Variants in GATAD2A observed in about 807,000 individuals in gnomAD.
The protein encoded by GATAD2A is GATA zinc finger domain containing 2A.
GATAD2A carries 12 observed loss-of-function variants against 68.5 expected under a neutral mutation model. The ratio of observed to expected loss-of-function variants is 0.18; its 90% CI spans 0.11 to 0.28. GATAD2A has a LOEUF of 0.28. Ranked by LOEUF, GATAD2A falls within the 10% of genes least tolerant of loss-of-function variation. The pLI, the probability that GATAD2A is intolerant of heterozygous loss-of-function variation, is 1.00. For missense variants in GATAD2A, 755 were observed against 868.5 expected (o/e 0.87, Z 1.64); for synonymous variants, 410 against 375.3 (o/e 1.09, Z -1.07).
intron 2 of GATAD2A, among the ~76,000 whole-genome samples, chr19:19,483,233 C>CT (rs1318217621): frequency 6.6e-6 from 1 of 152,228 alleles, no homozygotes; most frequent in Non-Finnish European, 1.5e-5. Context: ...CACAGACTCT[C>CT]TCTCTTTTTC....
intron 1 of GATAD2A, among the ~76,000 whole-genome samples, chr19:19,415,852 G>A (rs960755298): frequency 2.6e-5 from 4 of 151,878 alleles, no homozygotes; most frequent in Non-Finnish European, 4.4e-5. Flanking sequence ...CCTTGACCTC[G>A]TGATCCACCC....
intron 2 of GATAD2A, among the ~76,000 whole-genome samples, chr19:19,482,349 A>G (rs1376087622): frequency 6.6e-6 from 1 of 152,198 alleles, no homozygotes; most frequent in Non-Finnish European, 1.5e-5. Flanking sequence ...GTTTGCAGTG[A>G]GCCAAGATCG....
chr19:19,505,464 C>G lies in GATAD2A; in HGVS notation c.1895C>G (p.Thr632Arg). Residue 632 changes from threonine to arginine, a missense_variant, in exon 12 of 12, where the codon ACG (threonine) becomes AGG (arginine). Physicochemically the swap from Thr to Arg is moderately conservative, Grantham distance 71. Transcript: ENST00000683918. ...CCCCGCTCCATCCCCCAGTCAGCCACGTGGAAATAGTGCGAGCCAGGCCCC... is the reference window on the plus strand; with the variant it reads ...CCCCGCTCCATCCCCCAGTCAGCCAGGTGGAAATAGTGCGAGCCAGGCCCC... Reference protein sequence around the residue: ...IPPRSIPQSATWK With the variant: ...IPPRSIPQSARWK The G allele has an allele frequency of 6.2e-7, 1 of 1,602,670 alleles. No homozygotes were observed. Among genetic ancestry groups the G allele is most frequent in the Non-Finnish European group, 8.5e-7 (1 of 1,174,482 alleles).
rs1274072427 is a variant in GATAD2A at position 19,506,158 on chromosome 19, A to G, written c.*684A>G. On this transcript the variant is annotated 3_prime_UTR_variant, in exon 12 of 12. Coordinates refer to ENST00000683918, the MANE Select transcript of GATAD2A (RefSeq NM_001384528.1). ...CCGTGACTGACTGACAGATGCAGGG[A>G]TGGCCGAGGCAGCCCTCGCTCCAGC... 2.5e-6 allele frequency: 1 copy of G among 398,572 alleles called. No homozygotes were observed. The highest frequency in any genetic ancestry group is 2.1e-5 in the African/African-American group (1 of 48,548). The allele number at this position is 398,572 out of a possible 1,614,324, so 24.7% of individuals were successfully genotyped here. A position where few individuals can be genotyped will look rare whatever the true frequency, so the allele number is the denominator to read the frequency against.
chr19:19,434,887 G>C (rs2965183), intron 1 of GATAD2A, among the ~76,000 whole-genome samples: 1 of 151,916 alleles, frequency 6.6e-6, no homozygotes, highest in Non-Finnish European at 1.5e-5. Context: ...AAGCCCTCTC[G>C]GTCTGGAGGG....
At chr19:19,501,942 C>G in intron 9 of GATAD2A, 27 bp from the exon 10 acceptor site, 1 of 1,601,990 alleles carries the variant, frequency 6.2e-7, no homozygotes, top group Non-Finnish European at 8.6e-7. Context: ...ACCGCACTGA[C>G]TTTGCTTTCA....
At position 19,405,729 on chromosome 19, in the gene GATAD2A, T is replaced by A. The variant is rs2050145498; in HGVS notation, c.-297T>A. The A allele has an allele frequency of 6.6e-6, 1 of 150,492 alleles. No individual in the cohort carries two copies. The highest frequency in any genetic ancestry group is 1.5e-5 in the Non-Finnish European group (1 of 67,494). 9.3% of individuals were successfully genotyped at this position (150,492 alleles called of 1,614,324 possible). Reference sequence around the variant, plus strand: ...GGCGTCGCCTTTAAGAGCTCCCCGGTGTTTTGGGGGCCGCGGGCCGGGCGC... The same window carrying A: ...GGCGTCGCCTTTAAGAGCTCCCCGGAGTTTTGGGGGCCGCGGGCCGGGCGC... On this transcript the variant is annotated 5_prime_UTR_variant, in exon 1 of 12. Transcript: ENST00000683918.
chr19:19,496,336 CT>C, intron 7 of GATAD2A, 117 bp downstream of exon 7: 1 of 957,828 alleles, frequency 1.0e-6, no homozygotes. Flanking sequence ...CATGACCTGC[CT>C]TGCTCTTTCA....
chr19:19,496,094 C>A lies in GATAD2A; in HGVS notation c.799C>A (p.Pro267Thr), dbSNP rs1220259445. The A allele has an allele frequency of 6.2e-7, 1 of 1,613,756 alleles. No homozygotes were observed. ...IRQHSSTGPP[P>T]LLLAPRASVP... is the part of the protein sequence containing the mutation. ...GCAACATTCCAGCACAGGGCCACCG[C>A]CCCTCCTCCTGGCCCCCCGGGCGTC... Residue 267 changes from proline to threonine, a missense_variant, in exon 7 of 12, where the codon CCC becomes ACC. Pro to Thr is a conservative substitution (Grantham distance 38). Transcript: ENST00000683918.
At chr19:19,393,029 G>C (rs2048961936) in intron 1 of GATAD2A, among the ~76,000 whole-genome samples, 1 of 152,208 alleles carries the variant, frequency 6.6e-6, no homozygotes, top group African/African-American at 2.4e-5. Flanking sequence ...TAAGGGGCCA[G>C]GTGCGGTGGC....
chr19:19,502,386 C>T lies in GATAD2A; in HGVS notation c.1634C>T (p.Thr545Met), dbSNP rs748319132. The change falls in exon 11 of 12, where the codon ACG (threonine) becomes ATG (methionine). Residue 545 changes from threonine to methionine, a missense_variant. Transcript: ENST00000683918. Reference protein sequence around the residue: ...SATTPRGVLHTFSPSPKLQNS... With the variant: ...SATTPRGVLHMFSPSPKLQNS... ...ACGACGCCCCGAGGTGTCCTGCACA[C>T]GTTCAGTCCGTCACCCAAACTGCAG... 8 of 1,613,514 alleles carry T rather than the reference C, an allele frequency of 5.0e-6. No individual in the cohort carries two copies. The highest frequency in any genetic ancestry group is 1.1e-5 in the South Asian group (1 of 91,082).
chr19:19,411,219 T>C (rs1022702816), intron 1 of GATAD2A, among the ~76,000 whole-genome samples: 6 of 152,260 alleles, frequency 3.9e-5, no homozygotes, highest in Admixed American at 3.3e-4. Context: ...ATTCGGCGGC[T>C]GGGACCCAAC....
At chr19:19,436,168 C>T (rs763346896) in intron 1 of GATAD2A, 3 of 1,366,406 alleles carry the variant, frequency 2.2e-6, no homozygotes, top group Non-Finnish European at 2.9e-6. Flanking sequence ...CTTTTGATGT[C>T]ACTGTGGCCA....
chr19:19,470,149 T>TA (rs1173077003), intron 2 of GATAD2A, among the ~76,000 whole-genome samples: 70 of 136,650 alleles, frequency 5.1e-4, no homozygotes, highest in Admixed American at 8.7e-4. Context: ...CTTTATTTTT[T>TA]TTTTTGTTTT....
At chr19:19,474,301 C>G (rs945686805) in intron 2 of GATAD2A, 15 of 278,456 alleles carry the variant, frequency 5.4e-5, no homozygotes, top group Non-Finnish European at 7.1e-5. Context: ...ACAGTGAGTT[C>G]TGACTCACGT....
intron 1 of GATAD2A, among the ~76,000 whole-genome samples, chr19:19,462,932 G>C (rs960145979): frequency 6.6e-6 from 1 of 152,206 alleles, no homozygotes; most frequent in African/African-American, 2.4e-5. Context: ...GAGGGGCCCT[G>C]CCTGGCTGGA....
At chr19:19,504,965 A>G (rs1240719932) in intron 11 of GATAD2A, among the ~76,000 whole-genome samples, 1 of 152,170 alleles carries the variant, frequency 6.6e-6, no homozygotes, top group Non-Finnish European at 1.5e-5. Context: ...TCATTGCTGC[A>G]TAGTATTCCA....
intron 2 of GATAD2A, among the ~76,000 whole-genome samples, chr19:19,490,744 G>A (rs1449553806): frequency 6.6e-6 from 1 of 152,148 alleles, no homozygotes; most frequent in Non-Finnish European, 1.5e-5. Flanking sequence ...AAATTAGCCC[G>A]GCATGATGGT....
intron 1 of GATAD2A, among the ~76,000 whole-genome samples, chr19:19,406,407 C>T (rs2050261441): frequency 7.0e-6 from 1 of 143,706 alleles, no homozygotes; most frequent in South Asian, 2.4e-4. Flanking sequence ...GGGTCCCGCT[C>T]AGGGGCGGGG....
Sources: allele counts gnomAD v4.1 joint callset (sites outside exome capture counted in the v4.1 genomes callset), GRCh38; gene constraint gnomAD v4.1.1; transcripts MANE v1.5; gene names NCBI Gene and HGNC (gene_info 2026-07-23, HGNC 2026-07-21).